The following SLC17A6 variants were observed in gnomAD, a reference collection of about 807,000 sequenced individuals.
SLC17A6 encodes the protein vesicular glutamate transporter 2.
SLC17A6 carries 35 observed loss-of-function variants against 67.1 expected under a neutral mutation model. The ratio of observed to expected loss-of-function variants is 0.52; its 90% confidence interval spans 0.40 to 0.69. The LOEUF (loss-of-function observed/expected upper bound fraction) is 0.69. SLC17A6 is among the 30% of genes least tolerant of loss of function. The pLI is 0.00. For synonymous variants in SLC17A6, 285 were observed against 252.3 expected (o/e 1.13, Z -1.23); for missense variants, 588 against 723.9 (o/e 0.81, Z 2.15).
chr11:22,346,414 T>G (rs1184629169), intron 3 of SLC17A6, among the ~76,000 whole-genome samples: 1 of 152,190 alleles, frequency 6.6e-6, no homozygotes, highest in Non-Finnish European at 1.5e-5. Context: ...ATATTTACTT[T>G]CCTGATCATT....
chr11:22,377,607 G>A lies in SLC17A6; in HGVS notation c.1616G>A (p.Gly539Asp), dbSNP rs1856246192. The part of the protein sequence containing the change: ...GDITQNYINY[G>D]TTKSYGATTQ... ...ATTACTCAAAATTATATAAATTATG[G>A]TACCACCAAGTCTTATGGTGCCACA... The change falls in exon 12 of 12, where the codon GGT (glycine) becomes GAT (aspartate). Residue 539 changes from glycine to aspartate, a missense_variant. Physicochemically the swap from Gly to Asp is moderately conservative, Grantham distance 94 (BLOSUM62 -1). Coordinates refer to ENST00000263160, the MANE Select transcript of SLC17A6 (RefSeq NM_020346.3). 3 of 1,613,894 alleles carry A rather than the reference G, an allele frequency of 1.9e-6. No individual in the cohort carries two copies. The highest frequency in any genetic ancestry group is 2.5e-6 in the Non-Finnish European group (3 of 1,179,996).
intron 1 of SLC17A6, 95 bp downstream of exon 1, chr11:22,338,714 T>C (rs1011768742): frequency 3.3e-6 from 3 of 908,816 alleles, no homozygotes; most frequent in Non-Finnish European, 5.3e-6. Context: ...AAGATTGTAA[T>C]ATGATCGGAA....
In SLC17A6 at chr11:22,371,513, A is replaced by T. The variant is rs903551071; in HGVS notation, c.1041+1325A>T. On this transcript the variant is annotated intron_variant, in intron 8 of 11. Coordinates refer to ENST00000263160, the MANE Select transcript of SLC17A6 (RefSeq NM_020346.3). ...GCCTTTGGGAACTCTGAGAGGTGTT[A>T]TACTTCTCAACAAAGGCTGCTGGAG... Among the ~76,000 whole-genome samples the T allele has an allele frequency of 1.3e-4, 20 of 151,864 alleles. No individual in the cohort carries two copies. In the Middle Eastern group the frequency reaches 0.01, roughly 77 times the overall value.
intron 6 of SLC17A6, among the ~76,000 whole-genome samples, chr11:22,365,137 G>T (rs1183331752): frequency 1.3e-5 from 2 of 152,074 alleles, no homozygotes; most frequent in Non-Finnish European, 2.9e-5. Flanking sequence ...TATATTCTAG[G>T]CAGGCAATAA....
chr11:22,351,957 T>A (rs2133864622), intron 3 of SLC17A6, among the ~76,000 whole-genome samples: 1 of 151,904 alleles, frequency 6.6e-6, no homozygotes, highest in South Asian at 2.1e-4. Flanking sequence ...ATACAGAAAA[T>A]ATATTTAATG....
In SLC17A6 at chr11:22,376,014, G is replaced by C; in HGVS notation, c.1207G>C (p.Val403Leu). ...FGMEATLLLVVGYSHTRGVAI... is the reference protein window; with the variant it reads ...FGMEATLLLVLGYSHTRGVAI... ...CATGGAAGCCACACTGCTCCTGGTC[G>C]TTGGCTATTCTCATACTAGAGGGGT... The change falls in exon 10 of 12, where the codon GTT (valine) becomes CTT (leucine). Residue 403 changes from valine to leucine, a missense_variant. Physicochemically the swap from Val to Leu is conservative, Grantham distance 32. Coordinates refer to ENST00000263160, the MANE Select transcript of SLC17A6 (RefSeq NM_020346.3). The C allele has an allele frequency of 6.2e-7, 1 of 1,609,838 alleles. No homozygotes were observed. The highest frequency in any genetic ancestry group is 8.5e-7 in the Non-Finnish European group (1 of 1,177,550).
intron 7 of SLC17A6, among the ~76,000 whole-genome samples, chr11:22,366,180 A>G (rs1856110054): frequency 6.6e-6 from 1 of 152,130 alleles, no homozygotes; most frequent in Non-Finnish European, 1.5e-5. Flanking sequence ...TTAATGTATA[A>G]ATTGGGTATA....
chr11:22,375,639 C>T (rs999034331), intron 9 of SLC17A6, among the ~76,000 whole-genome samples: 3 of 151,982 alleles, frequency 2.0e-5, no homozygotes, highest in South Asian at 2.1e-4. Context: ...TGCCACCACA[C>T]CCAGCTAATT....
At chr11:22,375,469 T>C (rs760793928) in intron 9 of SLC17A6, among the ~76,000 whole-genome samples, 75 of 152,086 alleles carry the variant, frequency 4.9e-4, no homozygotes, top group Non-Finnish European at 4.0e-4. Flanking sequence ...TTGTTTTGGA[T>C]GTTTTTCTTT....
At chr11:22,356,645 G>A (rs1855995943) in intron 3 of SLC17A6, among the ~76,000 whole-genome samples, 1 of 152,132 alleles carries the variant, frequency 6.6e-6, no homozygotes, top group Admixed American at 6.6e-5. Flanking sequence ...GACCAGCCTT[G>A]TCAACCTGGC....
At chr11:22,355,747 A>G (rs1385606483) in intron 3 of SLC17A6, among the ~76,000 whole-genome samples, 1 of 152,138 alleles carries the variant, frequency 6.6e-6, no homozygotes, top group East Asian at 1.9e-4. Flanking sequence ...AGTTTCTGGT[A>G]CAGAAGGTAA....
At position 22,377,788 on chromosome 11, in the gene SLC17A6, T is replaced by C; in HGVS notation, c.*48T>C. 1 of 1,439,112 alleles carries C rather than the reference T, an allele frequency of 6.9e-7. No homozygotes were observed. Among genetic ancestry groups the C allele is most frequent in the Non-Finnish European group, 9.3e-7 (1 of 1,075,440 alleles). 89.1% of individuals were successfully genotyped at this position (1,439,112 alleles called of 1,614,324 possible). On this transcript the variant is annotated 3_prime_UTR_variant, in exon 12 of 12. Coordinates refer to ENST00000263160, the MANE Select transcript of SLC17A6 (RefSeq NM_020346.3). ...TTTTAGTGTTTGTGATTAAATTCAT[T>C]GTGATTGCACAAAAATTTTAAAAAC...
chr11:22,338,588 T>C lies in SLC17A6; in HGVS notation c.55T>C (p.Phe19Leu). ...CCCAGGAAAAGAGGGGCTAAAGAATTTTGCTGGAAAATCACTCGGCCAGAT... is the reference window on the plus strand; with the variant it reads ...CCCAGGAAAAGAGGGGCTAAAGAATCTTGCTGGAAAATCACTCGGCCAGAT... The part of the protein sequence containing the change: ...LAPGKEGLKN[F>L]AGKSLGQIYR... The change falls in exon 1 of 12, where the codon TTT (phenylalanine) becomes CTT (leucine). Residue 19 changes from phenylalanine to leucine, a missense_variant. Transcript: ENST00000263160. 1.2e-6 allele frequency: 2 copies of C among 1,613,620 alleles called. No homozygotes were observed. Among genetic ancestry groups the C allele is most frequent in the Non-Finnish European group, 1.7e-6 (2 of 1,179,830 alleles).
At position 22,379,019 on chromosome 11, in the gene SLC17A6, ATATAACT is replaced by A. The variant is rs1856267223; in HGVS notation, c.*1280_*1286del. On this transcript the variant is annotated 3_prime_UTR_variant, in exon 12 of 12. Transcript: ENST00000263160. ...GAGGCATTTTGCTTGTCATTTCTTA[ATATAACT>A]CAACAAGAATTGCAACATTTGTGTA... 1 of 152,578 alleles carries A rather than the reference ATATAACT, an allele frequency of 6.6e-6. No homozygotes were observed. The highest frequency in any genetic ancestry group is 1.5e-5 in the Non-Finnish European group (1 of 67,994). 9.5% of individuals were successfully genotyped at this position (152,578 alleles called of 1,614,324 possible).
intron 3 of SLC17A6, among the ~76,000 whole-genome samples, chr11:22,348,711 A>G (rs1855905241): frequency 6.6e-6 from 1 of 152,222 alleles, no homozygotes; most frequent in African/African-American, 2.4e-5. Flanking sequence ...ATAGAAAGTA[A>G]TTTATACTTA....
chr11:22,356,808 C>A (rs183867816), intron 3 of SLC17A6, among the ~76,000 whole-genome samples: 85 of 152,306 alleles, frequency 5.6e-4, no homozygotes, highest in African/African-American at 1.9e-3. Context: ...TGCACTCCAG[C>A]CTGGGTGACA....
chr11:22,351,561 A>T (rs7946798), intron 3 of SLC17A6, among the ~76,000 whole-genome samples: 1 of 152,082 alleles, frequency 6.6e-6, no homozygotes, highest in Non-Finnish European at 1.5e-5. Flanking sequence ...GGACCCCAGG[A>T]TGTCTGATTT....
chr11:22,376,504 G>A (rs200190259), intron 10 of SLC17A6, 41 bp from the exon 11 acceptor site: 22 of 1,612,504 alleles, frequency 1.4e-5, no homozygotes, highest in African/African-American at 2.7e-5. Context: ...CTTCTAAGAC[G>A]TTTAGGATGC....
chr11:22,376,019 C>T lies in SLC17A6; in HGVS notation c.1212C>T (p.Gly404=), dbSNP rs148307214. The T allele has an allele frequency of 3.1e-3, 4,934 of 1,611,326 alleles. 51 individuals carry two copies. Among genetic ancestry groups the T allele is most frequent in the African/African-American group, 0.031 (2,294 of 74,934 alleles). ...AAGCCACACTGCTCCTGGTCGTTGG[C>T]TATTCTCATACTAGAGGGGTAGCAA... ...GMEATLLLVV[G]YSHTRGVAIS... The change falls in exon 10 of 12, where the codon GGC becomes GGT. Residue 404 remains glycine, a synonymous_variant. Coordinates refer to ENST00000263160, the MANE Select transcript of SLC17A6 (RefSeq NM_020346.3).
Sources: allele counts gnomAD v4.1 joint callset (sites outside exome capture counted in the v4.1 genomes callset), GRCh38; gene constraint gnomAD v4.1.1; transcripts MANE v1.5; gene names NCBI Gene and HGNC (gene_info 2026-07-23, HGNC 2026-07-21).